The following XYLT1 variants were observed in gnomAD, a reference collection of about 807,000 sequenced individuals.
XYLT1 encodes the protein beta-D-xylosyltransferase 1.
XYLT1 carries 36 observed loss-of-function variants against 91.3 expected under a neutral mutation model. The ratio of observed to expected loss-of-function variants is 0.39; its 90% CI spans 0.30 to 0.52. The LOEUF (loss-of-function observed/expected upper bound fraction) is 0.52. XYLT1 is among the 20% of genes least tolerant of loss of function. The pLI, the probability that XYLT1 is intolerant of heterozygous loss-of-function variation, is 0.68. For synonymous variants in XYLT1, 588 were observed against 532.0 expected, an observed-to-expected ratio of 1.11 and a Z score of -1.45; for missense variants, 1,242 against 1,284.5, an observed-to-expected ratio of 0.97 and a Z score of 0.51.
At chr16:17,143,094 C>G (rs984745561) in intron 6 of XYLT1, among the ~76,000 whole-genome samples, 4 of 152,098 alleles carry the variant, frequency 2.6e-5, no homozygotes, top group Admixed American at 2.6e-4. Context: ...ATGCAGAAAC[C>G]AAAGCTGTTC....
intron 3 of XYLT1, among the ~76,000 whole-genome samples, chr16:17,201,883 A>T (rs1017931063): frequency 9.9e-5 from 15 of 152,240 alleles, no homozygotes; most frequent in African/African-American, 3.6e-4. Context: ...GTACATTGCC[A>T]AGGGGGGATG....
intron 3 of XYLT1, among the ~76,000 whole-genome samples, chr16:17,216,655 A>G (rs1056517765): frequency 2.0e-5 from 3 of 152,170 alleles, no homozygotes; most frequent in Admixed American, 1.3e-4. Flanking sequence ...ATATCATCTC[A>G]TTGAGTTCTT....
At chr16:17,233,102 A>T (rs536431062) in intron 3 of XYLT1, among the ~76,000 whole-genome samples, 1 of 152,226 alleles carries the variant, frequency 6.6e-6, no homozygotes, top group Non-Finnish European at 1.5e-5. Context: ...GCATGTTGAC[A>T]TCAAATAGGG....
intron 2 of XYLT1, among the ~76,000 whole-genome samples, chr16:17,344,087 C>G (rs891457336): frequency 6.6e-6 from 1 of 152,064 alleles, no homozygotes; most frequent in African/African-American, 2.4e-5. Context: ...CGGCAATGTC[C>G]AGAGACATTT....
intron 5 of XYLT1, among the ~76,000 whole-genome samples, chr16:17,167,151 G>A (rs1285664124): frequency 2.0e-5 from 3 of 152,244 alleles, no homozygotes; most frequent in Non-Finnish European, 4.4e-5. Flanking sequence ...CAGGGCCAGA[G>A]CCTGAGCTGT....
At chr16:17,115,312 T>A (rs149893025) in intron 11 of XYLT1, among the ~76,000 whole-genome samples, 15 of 48,844 alleles carry the variant, frequency 3.1e-4, no homozygotes, top group Middle Eastern at 0.033. Context: ...CAAAAATAGT[T>A]AAAAAAAAAA....
At chr16:17,284,857 A>C (rs963919497) in intron 2 of XYLT1, among the ~76,000 whole-genome samples, 10 of 152,224 alleles carry the variant, frequency 6.6e-5, no homozygotes, top group Non-Finnish European at 1.3e-4. Context: ...AGGAAGAGGA[A>C]GATGGGGCTG....
intron 10 of XYLT1, among the ~76,000 whole-genome samples, chr16:17,125,816 GGTTT>G (rs558403001): frequency 6.4e-4 from 98 of 152,254 alleles, no homozygotes; most frequent in African/African-American, 2.3e-3. Context: ...ACAGGGGCCT[GGTTT>G]GTTTGGTTCA....
At chr16:17,159,053 T>G (rs1321310648) in intron 5 of XYLT1, 144 bp from the exon 6 acceptor site, 7 of 680,764 alleles carry the variant, frequency 1.0e-5, no homozygotes, top group Non-Finnish European at 1.6e-5. Flanking sequence ...GCATCCTCTT[T>G]ATATCGCCAT....
At chr16:17,425,682 C>G (rs2036308822) in intron 1 of XYLT1, among the ~76,000 whole-genome samples, 1 of 152,192 alleles carries the variant, frequency 6.6e-6, no homozygotes, top group Non-Finnish European at 1.5e-5. Flanking sequence ...GCTGCTACAC[C>G]TGGGCTTATT....
chr16:17,164,467 T>C (rs1170638776), intron 5 of XYLT1, among the ~76,000 whole-genome samples: 1 of 152,136 alleles, frequency 6.6e-6, no homozygotes, highest in Non-Finnish European at 1.5e-5. Context: ...CCAATATCCA[T>C]CTCCAGAACT....
At chr16:17,353,374 G>A (rs759036144) in intron 2 of XYLT1, among the ~76,000 whole-genome samples, 1 of 152,212 alleles carries the variant, frequency 6.6e-6, no homozygotes, top group Non-Finnish European at 1.5e-5. Flanking sequence ...GGAGGAGGCA[G>A]AGACACTAGA....
intron 6 of XYLT1, among the ~76,000 whole-genome samples, chr16:17,155,389 C>T (rs2141537049): frequency 6.6e-6 from 1 of 152,304 alleles, no homozygotes; most frequent in Non-Finnish European, 1.5e-5. Context: ...TTGATTTAGC[C>T]ATACCTGAAG....
intron 2 of XYLT1, among the ~76,000 whole-genome samples, chr16:17,262,505 G>T (rs1391293259): frequency 6.6e-6 from 1 of 152,142 alleles, no homozygotes; most frequent in Non-Finnish European, 1.5e-5. Context: ...GCTCATATTA[G>T]CGTCTGTCGG....
intron 1 of XYLT1, among the ~76,000 whole-genome samples, chr16:17,379,728 A>ATC (rs71137986): frequency 0.071 from 8,848 of 125,256 alleles, 414 homozygotes; most frequent in Admixed American, 0.15. Flanking sequence ...AATGAAGGAT[A>ATC]TCTCTCTCTC....
In XYLT1 at chr16:17,421,661, C is replaced by T. The variant is rs138976415; in HGVS notation, c.363+48773G>A. The stretch of plus-strand genomic sequence containing the variant: ...AAGGAGGAACAAAGCACCAGACAGA[C>T]GGACGATAAAGTCTTAGAAGTGGAT... On this transcript the variant is annotated intron_variant, in intron 1 of 11. Transcript: ENST00000261381. 1.4e-3 allele frequency among the ~76,000 whole-genome samples: 208 copies of T among 152,220 alleles called. 1 individual carries two copies. In the East Asian group the frequency reaches 0.034, roughly 25 times the overall value.
At chr16:17,340,017 CCCTCTATCCATCCACCCATT>C (rs1189996160) in intron 2 of XYLT1, among the ~76,000 whole-genome samples, 1 of 152,000 alleles carries the variant, frequency 6.6e-6, no homozygotes, top group Non-Finnish European at 1.5e-5. Context: ...ATCCACCCAT[CCCTCTATCCATCCACCCATT>C]CGTCCACCCA....
chr16:17,208,483 G>A (rs1283252302), intron 3 of XYLT1, among the ~76,000 whole-genome samples: 5 of 152,156 alleles, frequency 3.3e-5, no homozygotes, highest in Non-Finnish European at 7.3e-5. Context: ...TTTTGGGGAA[G>A]GGACCCAAGC....
At chr16:17,401,464 G>A (rs972882561) in intron 1 of XYLT1, among the ~76,000 whole-genome samples, 25 of 152,194 alleles carry the variant, frequency 1.6e-4, no homozygotes, top group Admixed American at 1.2e-3. Flanking sequence ...TGAGCTTACC[G>A]ATGTAACTAT....
Sources: allele counts gnomAD v4.1 joint callset (sites outside exome capture counted in the v4.1 genomes callset), GRCh38; gene constraint gnomAD v4.1.1; transcripts MANE v1.5; gene names NCBI Gene and HGNC (gene_info 2026-07-23, HGNC 2026-07-21).